Variants in FBXL7 observed in about 807,000 individuals in gnomAD.
FBXL7 encodes F-box/LRR-repeat protein 7.
A neutral mutation model predicts 38.3 loss-of-function variants in FBXL7; 12 were observed. The observed-to-expected ratio is 0.31, with a 90% CI of 0.20 to 0.51. FBXL7 has a LOEUF of 0.51. Among genes scored for constraint, FBXL7 ranks in the 20% least tolerant of loss-of-function variants. FBXL7 has a pLI of 0.98. For synonymous variants in FBXL7, 297 were observed against 300.9 expected, an observed-to-expected ratio of 0.99 and a Z score of 0.13; for missense variants, 567 against 676.4, an observed-to-expected ratio of 0.84 and a Z score of 1.79.
intron 2 of FBXL7, among the ~76,000 whole-genome samples, chr5:15,906,474 C>A: frequency 6.9e-6 from 1 of 144,144 alleles, no homozygotes; most frequent in Non-Finnish European, 1.5e-5. Flanking sequence ...TGTATTTTAC[C>A]ATAATTATTA....
chr5:15,558,690 G>A (rs1027616391), intron 1 of FBXL7, among the ~76,000 whole-genome samples: 6 of 152,258 alleles, frequency 3.9e-5, no homozygotes, highest in Non-Finnish European at 7.4e-5. Context: ...AAGCCTTTTG[G>A]GTATTTGAAA....
chr5:15,866,488 G>T (rs1739715984), intron 2 of FBXL7, among the ~76,000 whole-genome samples: 1 of 152,018 alleles, frequency 6.6e-6, no homozygotes, highest in Non-Finnish European at 1.5e-5. Context: ...CTGAGAAATT[G>T]TTCCTGTATT....
intron 2 of FBXL7, among the ~76,000 whole-genome samples, chr5:15,639,764 A>G (rs1346687867): frequency 6.6e-6 from 1 of 151,778 alleles, no homozygotes; most frequent in Non-Finnish European, 1.5e-5. Flanking sequence ...GAAAATGCTC[A>G]ATGAACATTA....
chr5:15,501,330 A>G, intron 1 of FBXL7: 1 of 718,044 alleles, frequency 1.4e-6, no homozygotes, highest in Non-Finnish European at 1.7e-6. Flanking sequence ...TTGCCTGTCA[A>G]GTGGGAACTT....
At chr5:15,662,805 G>A (rs1271154893) in intron 2 of FBXL7, among the ~76,000 whole-genome samples, 1 of 152,082 alleles carries the variant, frequency 6.6e-6, no homozygotes, top group Non-Finnish European at 1.5e-5. Context: ...AGATCAGATG[G>A]TCATACGTGT....
intron 1 of FBXL7, among the ~76,000 whole-genome samples, chr5:15,563,530 A>C (rs993202146): frequency 6.6e-6 from 1 of 152,078 alleles, no homozygotes; most frequent in Non-Finnish European, 1.5e-5. Flanking sequence ...GTTTATTGCA[A>C]GTATTTCTCA....
chr5:15,559,812 G>C (rs1738359046), intron 1 of FBXL7, among the ~76,000 whole-genome samples: 1 of 152,202 alleles, frequency 6.6e-6, no homozygotes, highest in Admixed American at 6.5e-5. Flanking sequence ...TTAAGAGTCA[G>C]AATCAGTACT....
At chr5:15,648,573 G>T (rs1741610116) in intron 2 of FBXL7, among the ~76,000 whole-genome samples, 1 of 152,218 alleles carries the variant, frequency 6.6e-6, no homozygotes, top group South Asian at 2.1e-4. Flanking sequence ...TATTCACAGT[G>T]CCAAGCGGAT....
chr5:15,660,140 C>G (rs939279248), intron 2 of FBXL7, among the ~76,000 whole-genome samples: 1 of 152,124 alleles, frequency 6.6e-6, no homozygotes, highest in African/African-American at 2.4e-5. Flanking sequence ...CAACGGTGTC[C>G]CCTTTAGGCA....
At chr5:15,618,924 T>C (rs551777568) in intron 2 of FBXL7, among the ~76,000 whole-genome samples, 1 of 152,334 alleles carries the variant, frequency 6.6e-6, no homozygotes, top group South Asian at 2.1e-4. Context: ...TTTACTCATA[T>C]AGGCCTTAGA....
chr5:15,663,254 T>C (rs1252229077), intron 2 of FBXL7, among the ~76,000 whole-genome samples: 1 of 152,210 alleles, frequency 6.6e-6, no homozygotes, highest in African/African-American at 2.4e-5. Context: ...TTTATTCTTT[T>C]TGTGGCAATC....
At chr5:15,904,306 A>C (rs1416592903) in intron 2 of FBXL7, among the ~76,000 whole-genome samples, 2 of 152,208 alleles carry the variant, frequency 1.3e-5, no homozygotes, top group Non-Finnish European at 2.9e-5. Context: ...AAAATGAAAC[A>C]ATACAAAACT....
chr5:15,621,758 A>G (rs1032950757), intron 2 of FBXL7, among the ~76,000 whole-genome samples: 5 of 152,218 alleles, frequency 3.3e-5, no homozygotes, highest in African/African-American at 4.8e-5. Flanking sequence ...AGTAGGACGC[A>G]TATTCAAATA....
Position 15,567,620 on chromosome 5 carries a change from A to G in FBXL7, c.38-48363A>G, listed in dbSNP as rs543186143. Among the ~76,000 whole-genome samples the G allele has an allele frequency of 2.6e-5, 4 of 151,678 alleles. No individual in the cohort carries two copies. The South Asian group carries it at 8.4e-4, about 32-fold the overall frequency. Reference sequence around the variant, plus strand: ...TATATATATTTTTTATTATACTTTAAGTTTTAGGGTACATGTGGACAACGT... The same window carrying G: ...TATATATATTTTTTATTATACTTTAGGTTTTAGGGTACATGTGGACAACGT... On this transcript the variant is annotated intron_variant, in intron 1 of 3. Coordinates refer to ENST00000504595, the MANE Select transcript of FBXL7 (RefSeq NM_012304.5).
rs1738062057 is a variant in FBXL7, at chr5:15,551,324, T to C, written c.37+50611T>C. Among the ~76,000 whole-genome samples the C allele has an allele frequency of 1.8e-4, 27 of 152,352 alleles. No homozygotes were observed. The South Asian group carries it at 5.2e-3, about 29-fold the overall frequency. On this transcript the variant is annotated intron_variant, in intron 1 of 3. Coordinates refer to ENST00000504595, the MANE Select transcript of FBXL7 (RefSeq NM_012304.5). ...TAGCTGTTAGGCAGCAACGTTTGAA[T>C]AGTTCCCCTTTCAAGGCAGAAAGCC...
chr5:15,696,840 C>CA (rs1377422021), intron 2 of FBXL7, among the ~76,000 whole-genome samples: 1 of 152,160 alleles, frequency 6.6e-6, no homozygotes, highest in Non-Finnish European at 1.5e-5. Flanking sequence ...GGGGAAACAC[C>CA]AATTCAGTTT....
chr5:15,742,857 C>T (rs1579425779), intron 2 of FBXL7, among the ~76,000 whole-genome samples: 1 of 152,210 alleles, frequency 6.6e-6, no homozygotes, highest in East Asian at 1.9e-4. Flanking sequence ...ACAATCATGG[C>T]AAAAGGGAAA....
rs146351174 is a variant in FBXL7, at chr5:15,882,418, G to A, written c.128-45472G>A. ...ACCTGACATGTCAGGCTTTCTTGTG[G>A]GACCTAGTCCAGGTTGGTGTTGGGG... On this transcript the variant is annotated intron_variant, in intron 2 of 3. Transcript: ENST00000504595. Among the ~76,000 whole-genome samples, 91 of 152,214 alleles carry A rather than the reference G, an allele frequency of 6.0e-4. 1 individual carries two copies. The East Asian group carries it at 0.017, about 28-fold the overall frequency.
At chr5:15,596,710 G>C (rs1739634739) in intron 1 of FBXL7, among the ~76,000 whole-genome samples, 1 of 152,168 alleles carries the variant, frequency 6.6e-6, no homozygotes, top group African/African-American at 2.4e-5. Context: ...AGGTTGAGTT[G>C]ATCACCAATG....
Sources: gnomAD v4.1 joint callset for allele counts (sites outside exome capture counted in the v4.1 genomes callset) on GRCh38, gnomAD v4.1.1 for gene constraint, MANE v1.5 for transcripts, NCBI Gene and HGNC (gene_info 2026-07-23, HGNC 2026-07-21) for gene names.